PCDH15: variants seen among roughly 807,000 people sequenced by gnomAD.
The protein encoded by PCDH15 is protocadherin related 15, also known as protocadherin-15.
PCDH15 carries 129 observed loss-of-function variants against 178.5 expected under a neutral mutation model. The ratio of observed to expected loss-of-function variants is 0.72; its 90% confidence interval spans 0.63 to 0.84. PCDH15 has a LOEUF of 0.84. Ranked by LOEUF, PCDH15 falls within the 40% of genes least tolerant of loss-of-function variation. PCDH15 has a pLI of 0.00. For missense variants in PCDH15, 2,230 were observed against 2,099.9 expected (o/e 1.06, Z -1.21); for synonymous variants, 800 against 732.0 (o/e 1.09, Z -1.50).
At chr10:54,697,889 G>A (rs576287154) in intron 1 of PCDH15, among the ~76,000 whole-genome samples, 1 of 152,142 alleles carries the variant, frequency 6.6e-6, no homozygotes, top group East Asian at 1.9e-4. Flanking sequence ...ACTCTAACAG[G>A]CACTTACGAT....
intron 6 of PCDH15, among the ~76,000 whole-genome samples, chr10:54,342,701 C>A (rs71492603): frequency 0.071 from 10,799 of 152,224 alleles, 501 homozygotes; most frequent in African/African-American, 0.12. Flanking sequence ...GCACTCAATG[C>A]CAGCCTGAGA....
intron 3 of PCDH15, among the ~76,000 whole-genome samples, chr10:54,395,025 T>C (rs1029256685): frequency 1.3e-5 from 2 of 152,162 alleles, no homozygotes; most frequent in African/African-American, 2.4e-5. Context: ...CCACATTTCA[T>C]ATTGCTCAAA....
intron 2 of PCDH15, among the ~76,000 whole-genome samples, chr10:55,153,145 A>T (rs1170478506): frequency 6.6e-6 from 1 of 152,186 alleles, no homozygotes; most frequent in Non-Finnish European, 1.5e-5. Context: ...TACTTTATCT[A>T]GTTACCCACA....
intron 26 of PCDH15, among the ~76,000 whole-genome samples, chr10:53,900,232 T>TC (rs2082247932): frequency 7.9e-6 from 1 of 126,012 alleles, no homozygotes; most frequent in African/African-American, 3.0e-5. Flanking sequence ...TCTCTCTCTC[T>TC]CCCCCCCTCT....
At chr10:55,423,735 C>T (rs1838681490) in intron 2 of PCDH15, among the ~76,000 whole-genome samples, 1 of 152,020 alleles carries the variant, frequency 6.6e-6, no homozygotes, top group Non-Finnish European at 1.5e-5. Flanking sequence ...CCTTGATGTG[C>T]AGCAGGGGCA....
intron 8 of PCDH15, among the ~76,000 whole-genome samples, chr10:54,302,752 A>ACT (rs1332427110): frequency 6.6e-6 from 1 of 152,184 alleles, no homozygotes; most frequent in Admixed American, 6.5e-5. Flanking sequence ...CTAACACATA[A>ACT]TAGGTACTCT....
At chr10:54,312,311 A>C (rs2060957613) in intron 8 of PCDH15, among the ~76,000 whole-genome samples, 1 of 152,150 alleles carries the variant, frequency 6.6e-6, no homozygotes, top group South Asian at 2.1e-4. Context: ...ATTCAAAATA[A>C]CAATATACAT....
intron 2 of PCDH15, among the ~76,000 whole-genome samples, chr10:54,577,282 C>G (rs1450561312): frequency 6.8e-6 from 1 of 147,186 alleles, no homozygotes; most frequent in Admixed American, 6.9e-5. Flanking sequence ...TTAGTAGAGA[C>G]GGGGTTTCAC....
chr10:54,818,314 C>A (rs1431949889), intron 3 of PCDH15, among the ~76,000 whole-genome samples: 1 of 152,028 alleles, frequency 6.6e-6, no homozygotes, highest in Non-Finnish European at 1.5e-5. Flanking sequence ...TTAATGATTG[C>A]AAATTGTGGC....
chr10:54,997,238 T>C (rs1468984182), intron 2 of PCDH15, among the ~76,000 whole-genome samples: 3 of 152,082 alleles, frequency 2.0e-5, no homozygotes, highest in Non-Finnish European at 4.4e-5. Context: ...AACTGGTGAG[T>C]TCATGTTGCT....
intron 2 of PCDH15, among the ~76,000 whole-genome samples, chr10:55,097,892 T>A (rs1273682645): frequency 3.3e-5 from 5 of 152,134 alleles, no homozygotes; most frequent in Admixed American, 2.6e-4. Flanking sequence ...AAAAATTGAG[T>A]TCTTGGTAAC....
chr10:54,746,219 T>A (rs1945442210), intron 1 of PCDH15, among the ~76,000 whole-genome samples: 1 of 152,120 alleles, frequency 6.6e-6, no homozygotes, highest in African/African-American at 2.4e-5. Context: ...CTGGATGATT[T>A]GCGCCCTCCC....
At chr10:54,328,571 G>A (rs1262168482) in intron 7 of PCDH15, among the ~76,000 whole-genome samples, 3 of 152,002 alleles carry the variant, frequency 2.0e-5, no homozygotes, top group African/African-American at 4.8e-5. Context: ...GCTGACACAG[G>A]TGATACAAGT....
chr10:55,404,418 A>G (rs1450017763), intron 2 of PCDH15, among the ~76,000 whole-genome samples: 1 of 152,006 alleles, frequency 6.6e-6, no homozygotes, highest in Non-Finnish European at 1.5e-5. Context: ...ACTTTTTCTG[A>G]GCGTCACTAG....
In PCDH15 at chr10:54,480,543, G is replaced by A. The variant is rs140270204; in HGVS notation, c.157+47269C>T. 5.9e-5 allele frequency among the ~76,000 whole-genome samples: 9 copies of A among 152,118 alleles called. No homozygotes were observed. The East Asian group carries it at 1.7e-3, about 29-fold the overall frequency. On this transcript the variant is annotated intron_variant, in intron 3 of 37. Coordinates refer to ENST00000644397, the MANE Select transcript of PCDH15 (RefSeq NM_001384140.1). ...AAACCATTCTACTTCAAAATATATA[G>A]AGGAGAAAGAGGACTTGTCCCAAGA... is the stretch of plus-strand genomic sequence containing the variant.
chr10:55,190,214 C>T (rs1245962175), intron 1 of PCDH15, among the ~76,000 whole-genome samples: 4 of 151,402 alleles, frequency 2.6e-5, no homozygotes, highest in African/African-American at 9.7e-5. Context: ...ATGGCAATGA[C>T]AGTCAGAATA....
chr10:54,708,240 G>A (rs1351045640), intron 1 of PCDH15, among the ~76,000 whole-genome samples: 1 of 152,126 alleles, frequency 6.6e-6, no homozygotes, highest in Non-Finnish European at 1.5e-5. Flanking sequence ...AGTGGAATAA[G>A]GCCAGTTTTT....
At chr10:53,842,862 T>C (rs1251163146) in intron 28 of PCDH15, among the ~76,000 whole-genome samples, 1 of 152,194 alleles carries the variant, frequency 6.6e-6, no homozygotes, top group East Asian at 1.9e-4. Context: ...CCCAATACTT[T>C]GGTCTAACAA....
At chr10:54,608,100 G>A in intron 2 of PCDH15, 1 of 390,410 alleles carries the variant, frequency 2.6e-6, no homozygotes, top group South Asian at 1.9e-5. Flanking sequence ...GAGCCAAAAA[G>A]AGGACTAGGC....
Sources: gnomAD v4.1 joint callset for allele counts (sites outside exome capture counted in the v4.1 genomes callset) on GRCh38, gnomAD v4.1.1 for gene constraint, MANE v1.5 for transcripts, NCBI Gene and HGNC (gene_info 2026-07-23, HGNC 2026-07-21) for gene names.